The following TSC22D1 variants were observed in gnomAD, a reference collection of about 807,000 sequenced individuals.
The protein encoded by TSC22D1 is TSC22 domain family member 1.
TSC22D1 carries 9 observed loss-of-function variants against 74.2 expected under a neutral mutation model. The observed-to-expected ratio is 0.12, with a 90% CI of 0.07 to 0.21. The LOEUF is 0.21. Ranked by LOEUF, TSC22D1 falls within the 10% of genes least tolerant of loss-of-function variation. The pLI is 1.00. For missense variants in TSC22D1, 1,427 were observed against 1,304.7 expected (o/e 1.09, Z -1.44); for synonymous variants, 586 against 492.5 (o/e 1.19, Z -2.51).
chr13:44,533,175 G>A (rs1676905193), intron 1 of TSC22D1, among the ~76,000 whole-genome samples: 1 of 152,118 alleles, frequency 6.6e-6, no homozygotes, highest in South Asian at 2.1e-4. Flanking sequence ...TTGAGGGCAT[G>A]ATTAGCCAGG....
intron 1 of TSC22D1, among the ~76,000 whole-genome samples, chr13:44,495,334 C>G (rs1223621777): frequency 6.7e-6 from 1 of 148,754 alleles, no homozygotes; most frequent in East Asian, 2.0e-4. Context: ...AATTCTATAT[C>G]TGACAAAACT....
In TSC22D1 at chr13:44,574,103, G is replaced by T. The variant is rs549694387; in HGVS notation, c.1972C>A (p.Gln658Lys). The change falls in exon 1 of 3, where the codon CAA becomes AAA. Residue 658 changes from glutamine (Q) to lysine (K), a missense_variant. Physicochemically the swap from Gln to Lys is moderately conservative, Grantham distance 53 (BLOSUM62 1). Around this residue, in one of 3 missense-constraint regions of TSC22D1, gnomAD observed 1,343 missense variants for 1,191.5 expected, o/e 1.13. Coordinates refer to ENST00000458659, the MANE Select transcript of TSC22D1 (RefSeq NM_183422.4). ...GCTGTTTGAAGAATTGGCTGCTGTT[G>T]TACATACTCTGAAGCAGGATTTTGA... is the stretch of plus-strand genomic sequence containing the variant. ...VTQNPASEYV[Q>K]QQPILQTAMS... The T allele has an allele frequency of 1.2e-6, 2 of 1,614,218 alleles. No homozygotes were observed. Among genetic ancestry groups the T allele is most frequent in the Non-Finnish European group, 8.5e-7 (1 of 1,180,032 alleles).
At chr13:44,482,757 CAA>C (rs1163470562) in intron 1 of TSC22D1, among the ~76,000 whole-genome samples, 1 of 151,930 alleles carries the variant, frequency 6.6e-6, no homozygotes, top group Non-Finnish European at 1.5e-5. Flanking sequence ...GTTTCATTAC[CAA>C]AAAAGTTATT....
intron 1 of TSC22D1, among the ~76,000 whole-genome samples, chr13:44,551,389 G>GGTGGGTGTGTGGGTGTGTGTGT (rs1298469090): frequency 1.4e-4 from 17 of 125,302 alleles, no homozygotes; most frequent in Admixed American, 5.7e-4. Context: ...CAATCAGATG[G>GGTGGGTGTGTGGGTGTGTGTGT]GTGTGTGTGT....
At chr13:44,548,821 C>G (rs1882000215) in intron 1 of TSC22D1, among the ~76,000 whole-genome samples, 1 of 152,012 alleles carries the variant, frequency 6.6e-6, no homozygotes, top group Non-Finnish European at 1.5e-5. Flanking sequence ...ACTAGAATTT[C>G]TAGTTTACCT....
At position 44,573,381 on chromosome 13, in the gene TSC22D1, G is replaced by A. The variant is rs762420467; in HGVS notation, c.2694C>T (p.Ser898=). The A allele has an allele frequency of 1.5e-5, 24 of 1,614,142 alleles. No homozygotes were observed. The highest frequency in any genetic ancestry group is 3.3e-5 in the South Asian group (3 of 91,090). Residue 898 remains serine, a synonymous_variant, in exon 1 of 3, where the codon TCC becomes TCT. Coordinates refer to ENST00000458659, the MANE Select transcript of TSC22D1 (RefSeq NM_183422.4). ...QQIPLSSTQF[S]AQSLAQAIGS... ...CAATTGCCTGAGCTAATGATTGTGCGGAGAACTGGGTAGAACTTAGTGGTA... is the reference window on the plus strand; with the variant it reads ...CAATTGCCTGAGCTAATGATTGTGCAGAGAACTGGGTAGAACTTAGTGGTA...
intron 1 of TSC22D1, chr13:44,536,841 A>G (rs1024135794): frequency 5.1e-5 from 50 of 984,180 alleles, no homozygotes; most frequent in Non-Finnish European, 5.8e-5. Context: ...AAATGCAAAA[A>G]CATACAAAAC....
At chr13:44,493,428 A>G (rs1878816150) in intron 1 of TSC22D1, among the ~76,000 whole-genome samples, 1 of 152,242 alleles carries the variant, frequency 6.6e-6, no homozygotes, top group Non-Finnish European at 1.5e-5. Flanking sequence ...GTGGCTATAC[A>G]GAGGGCATTC....
rs553640728 is a variant in TSC22D1 at position 44,547,875 on chromosome 13, G to A, written c.2912+25288C>T. ...TACAATCACGGCACACTACAGCCTC[G>A]AACTCCTGGGCTCAAGCAATCCTCC... On this transcript the variant is annotated intron_variant, in intron 1 of 2. Transcript: ENST00000458659. 9.2e-5 allele frequency among the ~76,000 whole-genome samples: 14 copies of A among 152,186 alleles called. No individual in the cohort carries two copies. The South Asian group carries it at 1.9e-3, about 20-fold the overall frequency.
chr13:44,447,958 T>A (rs1875824028), intron 1 of TSC22D1, among the ~76,000 whole-genome samples: 1 of 151,862 alleles, frequency 6.6e-6, no homozygotes, highest in Non-Finnish European at 1.5e-5. Flanking sequence ...TGGTTAACAT[T>A]CTTATTTTAC....
intron 1 of TSC22D1, among the ~76,000 whole-genome samples, chr13:44,499,913 C>CCCAT (rs1440572120): frequency 4.0e-5 from 6 of 151,570 alleles, no homozygotes; most frequent in Non-Finnish European, 8.8e-5. Context: ...ATGGTGAAAC[C>CCCAT]CCATCTCTAC....
chr13:44,483,166 C>T (rs1048098564), intron 1 of TSC22D1, among the ~76,000 whole-genome samples: 4 of 152,150 alleles, frequency 2.6e-5, no homozygotes, highest in African/African-American at 7.2e-5. Context: ...TAACAAGCAA[C>T]ATATTGAGAT....
At chr13:44,488,743 C>T (rs1878567173) in intron 1 of TSC22D1, among the ~76,000 whole-genome samples, 1 of 152,054 alleles carries the variant, frequency 6.6e-6, no homozygotes, top group Admixed American at 6.6e-5. Context: ...AAAAAGATAC[C>T]ATTGACAAAA....
intron 1 of TSC22D1, among the ~76,000 whole-genome samples, chr13:44,501,252 A>C (rs1879208920): frequency 1.3e-5 from 2 of 152,208 alleles, no homozygotes; most frequent in South Asian, 4.1e-4. Flanking sequence ...GGCTGGTTTG[A>C]GGGAAGTTCA....
chr13:44,444,956 T>C (rs1463823084), intron 1 of TSC22D1, among the ~76,000 whole-genome samples: 1 of 152,168 alleles, frequency 6.6e-6, no homozygotes, highest in Non-Finnish European at 1.5e-5. Flanking sequence ...CAAGCTCAAA[T>C]GGTTTCACTG....
intron 1 of TSC22D1, among the ~76,000 whole-genome samples, chr13:44,441,869 C>T (rs1875231781): frequency 6.6e-6 from 1 of 152,074 alleles, no homozygotes; most frequent in South Asian, 2.1e-4. Flanking sequence ...GCCCTTAGCA[C>T]ACCTGCATGT....
chr13:44,555,093 T>C (rs1418825067), intron 1 of TSC22D1, among the ~76,000 whole-genome samples: 1 of 149,892 alleles, frequency 6.7e-6, no homozygotes, highest in Non-Finnish European at 1.5e-5. Context: ...TGAATACAAC[T>C]GGAAAGATAA....
chr13:44,497,030 G>A (rs760578303), intron 1 of TSC22D1, among the ~76,000 whole-genome samples: 3 of 151,960 alleles, frequency 2.0e-5, no homozygotes, highest in Non-Finnish European at 4.4e-5. Context: ...AATTAAACAT[G>A]GAATTATGAG....
At chr13:44,539,600 G>C in intron 1 of TSC22D1, 1 of 985,214 alleles carries the variant, frequency 1.0e-6, no homozygotes, top group Non-Finnish European at 1.2e-6. Flanking sequence ...TAAATTTTAG[G>C]TCTCATTTTT....
Sources: gnomAD v4.1 joint callset for allele counts (sites outside exome capture counted in the v4.1 genomes callset) on GRCh38, gnomAD v4.1.1 for gene constraint, gnomAD v4.1.1 regional missense constraint, MANE v1.5 for transcripts, NCBI Gene and HGNC (gene_info 2026-07-23, HGNC 2026-07-21) for gene names.